DENND1A: variants seen among roughly 807,000 people sequenced by gnomAD.
DENND1A encodes DENN domain-containing protein 1A.
DENND1A carries 51 observed loss-of-function variants against 113.7 expected under a neutral mutation model. The ratio of observed to expected loss-of-function variants is 0.45; its 90% CI spans 0.36 to 0.57. The LOEUF is 0.57. Ranked by LOEUF, DENND1A falls within the 20% of genes least tolerant of loss-of-function variation. The probability of loss-of-function intolerance (pLI) is 0.00; values close to 1 mark genes in which losing one functional copy is unlikely to be tolerated. For synonymous variants in DENND1A, 565 were observed against 570.8 expected, an observed-to-expected ratio of 0.99 and a Z score of 0.14; for missense variants, 1,258 against 1,395.9, an observed-to-expected ratio of 0.90 and a Z score of 1.57.
chr9:123,913,312 T>C (rs1854419762), intron 1 of DENND1A, among the ~76,000 whole-genome samples: 1 of 151,998 alleles, frequency 6.6e-6, no homozygotes, highest in Admixed American at 6.6e-5. Flanking sequence ...AACCTGAATA[T>C]GTACTCCAGC....
chr9:123,414,892 G>T (rs2044599950), intron 19 of DENND1A, among the ~76,000 whole-genome samples: 2 of 152,188 alleles, frequency 1.3e-5, no homozygotes, highest in South Asian at 4.1e-4. Flanking sequence ...ATAGGGTCTA[G>T]TAGAGTACTT....
chr9:123,849,100 G>A (rs1239237515), intron 2 of DENND1A, among the ~76,000 whole-genome samples: 3 of 152,188 alleles, frequency 2.0e-5, no homozygotes, highest in African/African-American at 7.2e-5. Flanking sequence ...ATTGATAAAG[G>A]TGGCTACACT....
chr9:123,419,550 A>T (rs2045056075), intron 19 of DENND1A, among the ~76,000 whole-genome samples: 1 of 152,248 alleles, frequency 6.6e-6, no homozygotes, highest in South Asian at 2.1e-4. Context: ...TAGTAGCCAC[A>T]TCAATGCTCT....
chr9:123,852,308 A>G (rs1001247010), intron 2 of DENND1A, among the ~76,000 whole-genome samples: 2 of 152,138 alleles, frequency 1.3e-5, no homozygotes, highest in Non-Finnish European at 2.9e-5. Context: ...TGATGTAAGG[A>G]TGGCACTTTT....
intron 6 of DENND1A, among the ~76,000 whole-genome samples, chr9:123,674,831 GTTTT>G (rs1027166574): frequency 7.2e-6 from 1 of 138,230 alleles, no homozygotes; most frequent in Admixed American, 7.2e-5. Flanking sequence ...GTTTTGCTGA[GTTTT>G]TTTCTCTTTT....
chr9:123,508,991 C>T (rs1000218734), intron 13 of DENND1A, among the ~76,000 whole-genome samples: 1 of 152,114 alleles, frequency 6.6e-6, no homozygotes, highest in African/African-American at 2.4e-5. Flanking sequence ...CGTCACCATA[C>T]AAAATCAGCC....
At position 123,779,811 on chromosome 9, in the gene DENND1A, T is replaced by C. The variant is rs982418645; in HGVS notation, c.133-10248A>G. Among the ~76,000 whole-genome samples the C allele has an allele frequency of 3.3e-5, 5 of 151,992 alleles. No individual in the cohort carries two copies. In the East Asian group the frequency reaches 9.7e-4, roughly 29 times the overall value. Reference sequence around the variant, plus strand: ...CCTGGTATTCTGGAACAGAGGAGACTAGACAGGGTGGCAGGGGCCAGATCA... The same window carrying C: ...CCTGGTATTCTGGAACAGAGGAGACCAGACAGGGTGGCAGGGGCCAGATCA... On this transcript the variant is annotated intron_variant, in intron 3 of 23. Coordinates refer to ENST00000394215, the MANE Select transcript of DENND1A (RefSeq NM_001352964.2).
At chr9:123,551,982 A>AGAGAGAGAGC (rs201646368) in intron 13 of DENND1A, among the ~76,000 whole-genome samples, 81 of 151,404 alleles carry the variant, frequency 5.3e-4, no homozygotes, top group East Asian at 1.6e-3. Context: ...ATTAGGAAAG[A>AGAGAGAGAGC]GAGAGAGAGC....
At chr9:123,690,064 G>C (rs529326480) in intron 5 of DENND1A, among the ~76,000 whole-genome samples, 1 of 122,926 alleles carries the variant, frequency 8.1e-6, no homozygotes, top group Non-Finnish European at 1.7e-5. Context: ...GAGGGAGGGA[G>C]GGAGGGAGGG....
At chr9:123,563,534 A>C (rs2057881998) in intron 12 of DENND1A, among the ~76,000 whole-genome samples, 1 of 152,192 alleles carries the variant, frequency 6.6e-6, no homozygotes, top group African/African-American at 2.4e-5. Flanking sequence ...AATATAATGG[A>C]TATAAAATGA....
At chr9:123,473,405 G>C (rs1050783858) in intron 13 of DENND1A, among the ~76,000 whole-genome samples, 1 of 152,038 alleles carries the variant, frequency 6.6e-6, no homozygotes, top group East Asian at 1.9e-4. Flanking sequence ...AAGCGCAGCC[G>C]TTTACACCGC....
chr9:123,555,186 T>A (rs2057350446), intron 13 of DENND1A, among the ~76,000 whole-genome samples: 1 of 152,238 alleles, frequency 6.6e-6, no homozygotes, highest in African/African-American at 2.4e-5. Flanking sequence ...CTGTTCCTGG[T>A]GGAGCCACCC....
chr9:123,540,564 G>C (rs1198597085), intron 13 of DENND1A, among the ~76,000 whole-genome samples: 1 of 152,202 alleles, frequency 6.6e-6, no homozygotes, highest in South Asian at 2.1e-4. Flanking sequence ...GAAAAAAGAA[G>C]TGATGAGTTC....
chr9:123,529,709 A>G (rs1230542840), intron 13 of DENND1A, among the ~76,000 whole-genome samples: 1 of 152,230 alleles, frequency 6.6e-6, no homozygotes, highest in Non-Finnish European at 1.5e-5. Context: ...CTGGCACATG[A>G]CATCCCACAG....
Position 123,382,111 on chromosome 9 carries a change from G to T in DENND1A, c.2534C>A (p.Ala845Asp), listed in dbSNP as rs189947178. The T allele has an allele frequency of 6.8e-3, 10,626 of 1,566,110 alleles. 61 individuals carry two copies. Among genetic ancestry groups the T allele is most frequent in the Middle Eastern group, 0.013 (74 of 5,814 alleles). ...AAGTSSDALL[A>D]LLDPLSTAWS... Reference sequence around the variant, plus strand: ...GGCTGTGCTGAGCGGGTCCAGGAGGGCGAGCAGGGCGTCACTGCTCGTGCC... The same window carrying T: ...GGCTGTGCTGAGCGGGTCCAGGAGGTCGAGCAGGGCGTCACTGCTCGTGCC... Residue 845 changes from alanine (A) to aspartate (D), a missense_variant, in exon 24 of 24, where the codon GCC (alanine) becomes GAC (aspartate). By Grantham distance (126) the Ala-to-Asp change is moderately radical (BLOSUM62 -2). Coordinates refer to ENST00000394215, the MANE Select transcript of DENND1A (RefSeq NM_001352964.2).
chr9:123,650,483 G>A (rs1437233312), intron 9 of DENND1A, among the ~76,000 whole-genome samples: 1 of 152,098 alleles, frequency 6.6e-6, no homozygotes, highest in Non-Finnish European at 1.5e-5. Context: ...CTCTAACAGA[G>A]GGATGCCTAT....
intron 13 of DENND1A, among the ~76,000 whole-genome samples, chr9:123,554,838 C>A (rs970429492): frequency 6.6e-6 from 1 of 152,196 alleles, no homozygotes; most frequent in African/African-American, 2.4e-5. Context: ...TATGACTGAA[C>A]AGCATCTTAC....
At chr9:123,683,182 T>C (rs188137626) in intron 5 of DENND1A, among the ~76,000 whole-genome samples, 1 of 152,322 alleles carries the variant, frequency 6.6e-6, no homozygotes, top group East Asian at 1.9e-4. Context: ...ATGTTGGACA[T>C]GCTGGATACC....
intron 21 of DENND1A, among the ~76,000 whole-genome samples, chr9:123,391,761 G>GA (rs5900572): frequency 0.013 from 1,433 of 110,358 alleles, 86 homozygotes; most frequent in African/African-American, 0.03. Context: ...GGCAGAATAT[G>GA]AAAAAAAAAA....
Sources: allele counts gnomAD v4.1 joint callset (sites outside exome capture counted in the v4.1 genomes callset), GRCh38; gene constraint gnomAD v4.1.1; transcripts MANE v1.5; gene names NCBI Gene and HGNC (gene_info 2026-07-23, HGNC 2026-07-21).